ADGRB3: variants seen among roughly 807,000 people sequenced by gnomAD.
ADGRB3 encodes the protein adhesion G protein-coupled receptor B3, also known as brain-specific angiogenesis inhibitor 3.
A neutral mutation model predicts 193.4 loss-of-function variants in ADGRB3; 37 were observed. The ratio of observed to expected loss-of-function variants is 0.19; its 90% CI spans 0.15 to 0.25. The LOEUF (loss-of-function observed/expected upper bound fraction) is 0.25. Ranked by LOEUF, ADGRB3 falls within the 10% of genes least tolerant of loss-of-function variation. ADGRB3 has a pLI of 1.00. For missense variants in ADGRB3, 1,637 were observed against 1,852.9 expected (o/e 0.88, Z 2.14); for synonymous variants, 690 against 644.2 (o/e 1.07, Z -1.08).
In ADGRB3 at chr6:69,304,208, G is replaced by C. The variant is rs1201343321; in HGVS notation, c.2815-20664G>C. Among the ~76,000 whole-genome samples the C allele has an allele frequency of 2.6e-5, 4 of 151,424 alleles. No individual in the cohort carries two copies. In the East Asian group the frequency reaches 5.9e-4, roughly 22 times the overall value. On this transcript the variant is annotated intron_variant, in intron 20 of 31. Transcript: ENST00000370598. ...GAAACTCAGACTTTTTAAATATTTG[G>C]GTTGCTGATATTGCAGGTTTTCCCC...
chr6:69,147,442 T>C (rs1158065046), intron 17 of ADGRB3, among the ~76,000 whole-genome samples: 3 of 152,204 alleles, frequency 2.0e-5, no homozygotes, highest in Non-Finnish European at 4.4e-5. Flanking sequence ...TCCATGTTTT[T>C]GTATAGTTTC....
intron 12 of ADGRB3, among the ~76,000 whole-genome samples, chr6:69,015,184 T>C (rs569342976): frequency 6.6e-6 from 1 of 152,100 alleles, no homozygotes; most frequent in South Asian, 2.1e-4. Context: ...CTTTCTAGGC[T>C]GCTAGAGACT....
At chr6:69,313,062 G>T (rs1433630763) in intron 20 of ADGRB3, among the ~76,000 whole-genome samples, 2 of 151,846 alleles carry the variant, frequency 1.3e-5, no homozygotes, top group Non-Finnish European at 2.9e-5. Flanking sequence ...TTGATAATTT[G>T]CACAAGGTCA....
chr6:69,190,458 G>A (rs1047571582), intron 17 of ADGRB3, among the ~76,000 whole-genome samples: 11 of 151,946 alleles, frequency 7.2e-5, no homozygotes, highest in African/African-American at 2.4e-4. Flanking sequence ...TTTCTGGGCA[G>A]CTATGTGTCT....
intron 17 of ADGRB3, among the ~76,000 whole-genome samples, chr6:69,120,739 T>G (rs886179261): frequency 1.3e-5 from 2 of 152,148 alleles, no homozygotes; most frequent in Non-Finnish European, 2.9e-5. Flanking sequence ...TATCTTGCTT[T>G]CAAAAAGAAA....
rs58094255 is a variant in ADGRB3, at chr6:68,966,835, T to A, written c.1526-7928T>A. 8.0e-3 allele frequency among the ~76,000 whole-genome samples: 1,213 copies of A among 152,318 alleles called. 10 individuals are homozygous for A. The highest frequency in any genetic ancestry group is 0.025 in the African/African-American group (1,050 of 41,558). Reference sequence around the variant, plus strand: ...GGGTGCCCAGTAAATATTTGTTGAATGAATGAATTCTATAAGTGGCACTGA... The same window carrying A: ...GGGTGCCCAGTAAATATTTGTTGAAAGAATGAATTCTATAAGTGGCACTGA... On this transcript the variant is annotated intron_variant, in intron 8 of 31. Transcript: ENST00000370598.
chr6:68,854,738 T>G (rs1197733437), intron 3 of ADGRB3, among the ~76,000 whole-genome samples: 1 of 152,154 alleles, frequency 6.6e-6, no homozygotes, highest in Non-Finnish European at 1.5e-5. Context: ...CTCTAATCAT[T>G]CTCTGCACCT....
At chr6:68,794,888 T>A (rs1201631242) in intron 3 of ADGRB3, among the ~76,000 whole-genome samples, 5 of 152,100 alleles carry the variant, frequency 3.3e-5, no homozygotes, top group Non-Finnish European at 1.5e-5. Context: ...AGTCCTAAGA[T>A]GGCAAAACAC....
chr6:68,840,367 G>GTTTT (rs1768128495), intron 3 of ADGRB3, among the ~76,000 whole-genome samples: 1 of 75,534 alleles, frequency 1.3e-5, no homozygotes, highest in African/African-American at 6.5e-5. Flanking sequence ...GCACTGGGCA[G>GTTTT]TCTTTTTTTT....
chr6:68,881,934 G>A (rs1041108451), intron 3 of ADGRB3, among the ~76,000 whole-genome samples: 3 of 151,882 alleles, frequency 2.0e-5, no homozygotes, highest in Admixed American at 6.6e-5. Context: ...AACTTACATC[G>A]AGATTTTTAT....
chr6:69,115,664 G>A (rs1773511394), intron 17 of ADGRB3, among the ~76,000 whole-genome samples: 1 of 152,094 alleles, frequency 6.6e-6, no homozygotes. Flanking sequence ...AAATTAAAAT[G>A]GATCATATAC....
At chr6:69,043,396 AC>A in intron 13 of ADGRB3, among the ~76,000 whole-genome samples, 1 of 152,214 alleles carries the variant, frequency 6.6e-6, no homozygotes, top group South Asian at 2.1e-4. Flanking sequence ...ACATTTCAGT[AC>A]TAAAGGAGAA....
At chr6:68,943,214 A>C (rs1392420352) in intron 5 of ADGRB3, among the ~76,000 whole-genome samples, 3 of 152,166 alleles carry the variant, frequency 2.0e-5, no homozygotes, top group Non-Finnish European at 4.4e-5. Flanking sequence ...AAAGAGGAAT[A>C]TTTTATTTGA....
rs545991225 is a variant in ADGRB3, at chr6:69,022,770, A to G, written c.2107+4271A>G. On this transcript the variant is annotated intron_variant, in intron 13 of 31. Transcript: ENST00000370598. ...ATAAAACAAATAACATGAAGCCCTG[A>G]AAAGGATAAAAGTACATTATTTTGA... 5.3e-5 allele frequency among the ~76,000 whole-genome samples: 8 copies of G among 152,118 alleles called. No individual in the cohort carries two copies. In the South Asian group the frequency reaches 1.5e-3, roughly 28 times the overall value.
At chr6:68,687,849 A>T (rs188223873) in intron 3 of ADGRB3, among the ~76,000 whole-genome samples, 45 of 152,314 alleles carry the variant, frequency 3.0e-4, no homozygotes, top group Admixed American at 5.2e-4. Context: ...TTCATGTGAA[A>T]AATACCTGCA....
rs143602035 is a variant in ADGRB3 at position 69,261,764 on chromosome 6, A to G, written c.2814+22538A>G. On this transcript the variant is annotated intron_variant, in intron 20 of 31. Coordinates refer to ENST00000370598, the MANE Select transcript of ADGRB3 (RefSeq NM_001704.3). ...TAATCCAAATTGTAAATGAAGGCCA[A>G]AGCATTTTTACATTTCTGAGCAAAG... is the stretch of plus-strand genomic sequence containing the variant. Among the ~76,000 whole-genome samples the G allele has an allele frequency of 5.5e-3, 831 of 152,168 alleles. 7 individuals carry two copies. The highest frequency in any genetic ancestry group is 0.018 in the African/African-American group (766 of 41,572).
At chr6:68,676,078 T>G (rs562123614) in intron 3 of ADGRB3, among the ~76,000 whole-genome samples, 1 of 152,282 alleles carries the variant, frequency 6.6e-6, no homozygotes, top group African/African-American at 2.4e-5. Context: ...GTGCTTCAAC[T>G]TAAATAGTAC....
intron 17 of ADGRB3, chr6:69,232,665 A>C: frequency 6.6e-7 from 1 of 1,512,932 alleles, no homozygotes. Context: ...TACCAGGCAA[A>C]GGCAATGAGA....
At chr6:69,127,952 T>C (rs1284781877) in intron 17 of ADGRB3, among the ~76,000 whole-genome samples, 1 of 151,532 alleles carries the variant, frequency 6.6e-6, no homozygotes, top group Non-Finnish European at 1.5e-5. Flanking sequence ...TCTTTAAAGG[T>C]CTCCTTCGTA....
Sources: gnomAD v4.1 joint callset for allele counts (sites outside exome capture counted in the v4.1 genomes callset) on GRCh38, gnomAD v4.1.1 for gene constraint, MANE v1.5 for transcripts, NCBI Gene and HGNC (gene_info 2026-07-23, HGNC 2026-07-21) for gene names.